The following DOCK1 variants were observed in gnomAD, a reference collection of about 807,000 sequenced individuals.
DOCK1 encodes dedicator of cytokinesis protein 1.
Under a neutral mutation model 262.7 loss-of-function variants are expected in DOCK1, and 138 were observed. The ratio of observed to expected loss-of-function variants is 0.53; its 90% CI spans 0.46 to 0.61. DOCK1 has a LOEUF of 0.61. Ranked by LOEUF, DOCK1 falls within the 20% of genes least tolerant of loss-of-function variation. The probability of loss-of-function intolerance (pLI) is 0.00; values close to 1 mark genes in which losing one functional copy is unlikely to be tolerated. For synonymous variants in DOCK1, 866 were observed against 867.4 expected (o/e 1.00, Z 0.03); for missense variants, 1,908 against 2,370.7 (o/e 0.80, Z 4.05).
chr10:127,316,568 T>C (rs893622622), intron 29 of DOCK1, among the ~76,000 whole-genome samples: 6 of 152,220 alleles, frequency 3.9e-5, no homozygotes, highest in African/African-American at 1.4e-4. Context: ...TTCCTTTTTA[T>C]ATTTGAAAGC....
chr10:127,029,939 T>C (rs2043126087), intron 16 of DOCK1, among the ~76,000 whole-genome samples: 1 of 152,198 alleles, frequency 6.6e-6, no homozygotes, highest in South Asian at 2.1e-4. Context: ...AACATTGAAA[T>C]ATTTCATGTG....
chr10:127,155,002 T>C (rs1469134247), intron 27 of DOCK1, among the ~76,000 whole-genome samples: 2 of 152,196 alleles, frequency 1.3e-5, no homozygotes, highest in Admixed American at 6.5e-5. Flanking sequence ...TTCTGGATAT[T>C]ATTTTGTGTC....
At chr10:127,418,807 C>T (rs1421057896) in intron 45 of DOCK1, among the ~76,000 whole-genome samples, 3 of 152,196 alleles carry the variant, frequency 2.0e-5, no homozygotes, top group African/African-American at 7.2e-5. Flanking sequence ...TTATCTGCAC[C>T]CAGGCCTCCA....
intron 18 of DOCK1, among the ~76,000 whole-genome samples, chr10:127,032,637 T>C (rs2043318498): frequency 6.6e-6 from 1 of 152,154 alleles, no homozygotes; most frequent in South Asian, 2.1e-4. Context: ...CACTCCAGCC[T>C]TGTCCTCCTA....
At chr10:127,083,390 C>T (rs368178091) in intron 23 of DOCK1, among the ~76,000 whole-genome samples, 3 of 152,158 alleles carry the variant, frequency 2.0e-5, no homozygotes, top group East Asian at 1.9e-4. Context: ...GCCTTGAGGG[C>T]GTGCTTGGGT....
chr10:127,410,645 G>A (rs1403928224), intron 42 of DOCK1, among the ~76,000 whole-genome samples, 195 bp from the exon 43 acceptor site: 1 of 152,164 alleles, frequency 6.6e-6, no homozygotes, highest in East Asian at 1.9e-4. Flanking sequence ...CAGGGAAGAG[G>A]CAAAAACTCA....
At chr10:127,309,208 T>TC (rs1000400469) in intron 29 of DOCK1, among the ~76,000 whole-genome samples, 7 of 150,732 alleles carry the variant, frequency 4.6e-5, no homozygotes, top group Non-Finnish European at 1.0e-4. Flanking sequence ...CTTTTTTTTT[T>TC]CACATTTGTT....
At position 126,963,633 on chromosome 10, in the gene DOCK1, C is replaced by CCTT. The variant is rs1491540313; in HGVS notation, c.47-7068_47-7067insTTC. 7.2e-3 allele frequency among the ~76,000 whole-genome samples: 472 copies of CCTT among 65,750 alleles called. 10 individuals are homozygous for CCTT. The highest frequency in any genetic ancestry group is 0.035 in the African/African-American group (450 of 12,700). The allele number at this position is 65,750 out of a possible 152,430, so 43.1% of individuals were successfully genotyped here. A position where few individuals can be genotyped will look rare whatever the true frequency, so the allele number is the denominator to read the frequency against. On this transcript the variant is annotated intron_variant, in intron 1 of 51. Coordinates refer to ENST00000623213, the MANE Select transcript of DOCK1 (RefSeq NM_001290223.2). ...CCCTTCCCTTCCCTTCCCTTCCCTT[C>CCTT]CCTTCCCTCCTTCCTTCCTTCCTTC... is the stretch of plus-strand genomic sequence containing the variant.
Position 127,012,462 on chromosome 10 carries a change from T to C in DOCK1, c.1201+88T>C. ...TGGGTTGGTTTTAGTTTGATGTTGATCATGATGGTGGTGATAATGATGGGG... is the reference window on the plus strand; with the variant it reads ...TGGGTTGGTTTTAGTTTGATGTTGACCATGATGGTGGTGATAATGATGGGG... On this transcript the variant is annotated intron_variant, in intron 12 of 51. Transcript: ENST00000623213. The surrounding 1 kb of genome is among the most constrained non-coding windows in gnomAD (Gnocchi z 4.0). 1.8e-6 allele frequency: 2 copies of C among 1,135,270 alleles called. No individual in the cohort carries two copies. Among genetic ancestry groups the C allele is most frequent in the Non-Finnish European group, 2.6e-6 (2 of 762,186 alleles). The allele number at this position is 1,135,270 out of a possible 1,614,324, so 70.3% of individuals were successfully genotyped here. A position where few individuals can be genotyped will look rare whatever the true frequency, so the allele number is the denominator to read the frequency against.
intron 4 of DOCK1, among the ~76,000 whole-genome samples, chr10:126,984,595 C>T (rs940511202): frequency 2.0e-5 from 3 of 151,656 alleles, no homozygotes; most frequent in Admixed American, 2.0e-4. Context: ...TCTTGAACTT[C>T]TGACCTTAAG....
chr10:127,291,949 C>T (rs896269129), intron 29 of DOCK1, among the ~76,000 whole-genome samples: 1 of 152,172 alleles, frequency 6.6e-6, no homozygotes, highest in East Asian at 1.9e-4. Flanking sequence ...GACCCAGGGT[C>T]GCAAGCCAGG....
Position 127,138,366 on chromosome 10 carries a change from G to C in DOCK1, c.2847+10602G>C, listed in dbSNP as rs10829469. Among the ~76,000 whole-genome samples, 997 of 152,262 alleles carry C rather than the reference G, an allele frequency of 6.5e-3. 4 individuals carry two copies. The highest frequency in any genetic ancestry group is 0.012 in the Admixed American group (177 of 15,290). On this transcript the variant is annotated intron_variant, in intron 27 of 51. Transcript: ENST00000623213. The stretch of plus-strand genomic sequence containing the variant: ...CACATGGGCCTCATGGAGTAAAACA[G>C]AAAACCAAAAGTATGAGTGGGCAGG...
chr10:127,018,445 C>T (rs938708692), intron 12 of DOCK1: 44 of 501,398 alleles, frequency 8.8e-5, no homozygotes, highest in Admixed American at 4.0e-4. Context: ...CTCAGCAGCA[C>T]AGTGGGTGCA....
chr10:127,313,675 C>T (rs1277648667), intron 29 of DOCK1, among the ~76,000 whole-genome samples: 1 of 152,122 alleles, frequency 6.6e-6, no homozygotes, highest in East Asian at 1.9e-4. Context: ...CCACCCCTCT[C>T]GACCCGCAGC....
intron 29 of DOCK1, among the ~76,000 whole-genome samples, chr10:127,284,413 C>T (rs947669534): frequency 4.6e-5 from 7 of 151,892 alleles, no homozygotes; most frequent in African/African-American, 1.7e-4. Context: ...TTATATTAAA[C>T]TTTTTGTTTG....
In DOCK1 at chr10:127,124,956, A is replaced by T. The variant is rs984255555; in HGVS notation, c.2624-518A>T. 2.0e-5 allele frequency among the ~76,000 whole-genome samples: 3 copies of T among 147,414 alleles called. No individual in the cohort carries two copies. The South Asian group carries it at 6.4e-4, about 32-fold the overall frequency. Reference sequence around the variant, plus strand: ...GTGAAACCCCATGTCTACTAAAAATAAAAAAAAAAAATTAGCTGGGCGTGG... The same window carrying T: ...GTGAAACCCCATGTCTACTAAAAATTAAAAAAAAAAATTAGCTGGGCGTGG... On this transcript the variant is annotated intron_variant, in intron 25 of 51. Coordinates refer to ENST00000623213, the MANE Select transcript of DOCK1 (RefSeq NM_001290223.2).
In DOCK1 at chr10:127,437,020, G is replaced by T. The variant is rs1018089587; in HGVS notation, c.5061-2007G>T. ...CCCCACCATCAGGACTCTGCTGATAGCGTGCCCTATCGCATTGTTTAATTC... is the reference window on the plus strand; with the variant it reads ...CCCCACCATCAGGACTCTGCTGATATCGTGCCCTATCGCATTGTTTAATTC... On this transcript the variant is annotated intron_variant, in intron 48 of 51. Coordinates refer to ENST00000623213, the MANE Select transcript of DOCK1 (RefSeq NM_001290223.2). The surrounding 1 kb of genome is among the most constrained non-coding windows in gnomAD (Gnocchi z 4.4). 6.6e-6 allele frequency among the ~76,000 whole-genome samples: 1 copy of T among 152,124 alleles called. No individual in the cohort carries two copies. The highest frequency in any genetic ancestry group is 2.4e-5 in the African/African-American group (1 of 41,424).
intron 10 of DOCK1, 136 bp from the exon 11 acceptor site, chr10:127,008,596 A>G: frequency 1.3e-6 from 1 of 760,758 alleles, no homozygotes; most frequent in Non-Finnish European, 2.2e-6. Context: ...AAGCATGGAA[A>G]TAATTTAGAC....
At chr10:127,170,527 G>T (rs932168985) in intron 27 of DOCK1, among the ~76,000 whole-genome samples, 2 of 152,112 alleles carry the variant, frequency 1.3e-5, no homozygotes, top group African/African-American at 4.8e-5. Context: ...CCAGCCAATG[G>T]ACACTTCAAG....
Sources: allele counts gnomAD v4.1 joint callset (sites outside exome capture counted in the v4.1 genomes callset), GRCh38; gene constraint gnomAD v4.1.1; non-coding constraint Gnocchi (gnomAD v3.1); transcripts MANE v1.5; gene names NCBI Gene and HGNC (gene_info 2026-07-23, HGNC 2026-07-21).